Variants in THOC2 observed in about 807,000 individuals in gnomAD.
The protein encoded by THOC2 is THO complex subunit 2, also known as THO complex 2.
In THOC2, 10 loss-of-function variants were observed where a neutral mutation model predicts 128.4. The observed-to-expected ratio is 0.08, with a 90% CI of 0.05 to 0.13. The LOEUF (loss-of-function observed/expected upper bound fraction) is 0.13, where lower values mean the gene tolerates loss of function less well. THOC2 is among the 10% of genes least tolerant of loss of function. The pLI, the probability that THOC2 is intolerant of heterozygous loss-of-function variation, is 1.00. For synonymous variants in THOC2, 393 were observed against 396.9 expected (o/e 0.99, Z 0.12); for missense variants, 535 against 1,155.7 (o/e 0.46, Z 7.79).
At chrX:123,662,444 C>T (rs1445265854) in intron 12 of THOC2, among the ~76,000 whole-genome samples, 1 of 108,876 alleles carries the variant, frequency 9.2e-6, no homozygotes, top group African/African-American at 3.3e-5. Context: ...AAAAATTAGC[C>T]GGGCGTGGTG....
intron 20 of THOC2, 67 bp from the exon 21 acceptor site, chrX:123,633,107 C>T (rs2047546872): frequency 1.2e-6 from 1 of 847,381 alleles, no homozygotes; most frequent in East Asian, 3.3e-5. Context: ...GAAAAAGACA[C>T]AGAAAAAAGT....
rs180999450 is a variant in THOC2, at chrX:123,607,035, G to A, written c.*18+3883C>T. On this transcript the variant is annotated intron_variant, in intron 38 of 38. Transcript: ENST00000245838. ...AAGCCAAAGGGTGGTGGTTCTCAGA[G>A]GACAATTTTATAAGCAGGAATTAAA... Among the ~76,000 whole-genome samples, 201 of 108,405 alleles carry A rather than the reference G, an allele frequency of 1.9e-3. 1 individual carries two copies. The highest frequency in any genetic ancestry group is 6.6e-3 in the African/African-American group (194 of 29,513). 94.1% of individuals were successfully genotyped at this position (108,405 alleles called of 115,157 possible).
intron 12 of THOC2, among the ~76,000 whole-genome samples, chrX:123,647,797 C>T (rs1446173876): frequency 2.1e-5 from 2 of 93,398 alleles, no homozygotes; most frequent in Non-Finnish European, 4.1e-5. Context: ...GCCTAGATCA[C>T]GCCACTGCAC....
chrX:123,713,476 C>CAA (rs1245124629), intron 1 of THOC2, among the ~76,000 whole-genome samples: 11 of 38,371 alleles, frequency 2.9e-4, no homozygotes, highest in African/African-American at 9.4e-4. Context: ...TCTGTCTCTA[C>CAA]AAAAAAAAAA....
chrX:123,652,197 T>C (rs1029803331), intron 12 of THOC2, among the ~76,000 whole-genome samples: 5 of 111,841 alleles, frequency 4.5e-5, no homozygotes, highest in African/African-American at 1.6e-4. Flanking sequence ...ATTATCTCAA[T>C]AGATGCAGAA....
At chrX:123,691,496 T>C (rs1395351696) in intron 7 of THOC2, among the ~76,000 whole-genome samples, 1 of 111,680 alleles carries the variant, frequency 9.0e-6, no homozygotes, top group Non-Finnish European at 1.9e-5. Context: ...GGGTGAAATG[T>C]CCCATAATCT....
At chrX:123,656,740 T>C (rs947017103) in intron 12 of THOC2, among the ~76,000 whole-genome samples, 1 of 108,794 alleles carries the variant, frequency 9.2e-6, no homozygotes, top group African/African-American at 3.4e-5. Flanking sequence ...CCGGGCATGG[T>C]GGCTCACGCC....
At chrX:123,655,315 G>A (rs865898734) in intron 12 of THOC2, among the ~76,000 whole-genome samples, 1 of 111,320 alleles carries the variant, frequency 9.0e-6, no homozygotes, top group Non-Finnish European at 1.9e-5. Flanking sequence ...CAAATAAGTG[G>A]AATGAAGCAG....
chrX:123,668,257 T>C lies in THOC2; in HGVS notation c.919A>G (p.Lys307Glu). The C allele has an allele frequency of 8.3e-7, 1 of 1,203,449 alleles. No individual in the cohort carries two copies. Among genetic ancestry groups the C allele is most frequent in the African/African-American group, 1.7e-5 (1 of 57,673 alleles). Residue 307 changes from lysine (K) to glutamate (E), a missense_variant, in exon 10 of 39, where the codon AAG becomes GAG. Transcript: ENST00000245838. ...DEHKREIAEA[K>E]QIVRKLTMVV... is the part of the protein sequence containing the mutation. ...ATCGTAAGCTTTCTAACAATTTGCT[T>C]AGCTTCCGCAATTTCTCGTTTGTGT...
intron 2 of THOC2, among the ~76,000 whole-genome samples, chrX:123,709,180 G>A (rs2051071429): frequency 8.9e-6 from 1 of 112,659 alleles, no homozygotes; most frequent in Non-Finnish European, 1.9e-5. Context: ...TATATTGCAG[G>A]TGAAAAACTT....
Position 123,624,748 on chromosome X carries a change from G to T in THOC2, c.3058-79C>A, listed in dbSNP as rs1464821411. 144 of 958,989 alleles carry T rather than the reference G, an allele frequency of 1.5e-4. 1 individual carries two copies. Among genetic ancestry groups the T allele is most frequent in the Non-Finnish European group, 2.6e-5 (18 of 691,971 alleles). 79.0% of individuals were successfully genotyped at this position (958,989 alleles called of 1,213,427 possible). ...AAAAATATTAGAAGATTCTCTTACAGCAAGTCATAATAAACAGGTAAGCCT... is the reference window on the plus strand; with the variant it reads ...AAAAATATTAGAAGATTCTCTTACATCAAGTCATAATAAACAGGTAAGCCT... On this transcript the variant is annotated intron_variant, in intron 25 of 38. Coordinates refer to ENST00000245838, the MANE Select transcript of THOC2 (RefSeq NM_001081550.2).
chrX:123,673,113 C>T (rs1440863461), intron 8 of THOC2, among the ~76,000 whole-genome samples: 1 of 111,922 alleles, frequency 8.9e-6, no homozygotes, highest in African/African-American at 3.3e-5. Flanking sequence ...CCAAGGTGGT[C>T]AGATCACCTG....
At chrX:123,631,957 G>C in intron 21 of THOC2, 105 bp from the exon 22 acceptor site, 1 of 731,347 alleles carries the variant, frequency 1.4e-6, no homozygotes, top group South Asian at 2.8e-5. Flanking sequence ...TAACTTAAAA[G>C]GACTTTAGAG....
At chrX:123,611,716 T>G (rs1297143113) in intron 36 of THOC2, among the ~76,000 whole-genome samples, 200 bp from the exon 37 acceptor site, 2 of 104,774 alleles carry the variant, frequency 1.9e-5, no homozygotes, top group Non-Finnish European at 3.9e-5. Context: ...CAAAGAACAC[T>G]ATCAAGAAAG....
chrX:123,612,953 A>T (rs759690942), intron 36 of THOC2, among the ~76,000 whole-genome samples: 1 of 112,167 alleles, frequency 8.9e-6, no homozygotes, highest in African/African-American at 3.2e-5. Context: ...AATCAAATAC[A>T]AGTATCAAAC....
intron 7 of THOC2, among the ~76,000 whole-genome samples, chrX:123,694,564 C>T (rs1452020414): frequency 2.9e-5 from 3 of 105,251 alleles, no homozygotes; most frequent in African/African-American, 1.1e-4. Context: ...GCTGGGATTG[C>T]GCCACTGCAC....
rs192329269 is a variant in THOC2 at position 123,710,173 on chromosome X, A to G, written c.130+2677T>C. On this transcript the variant is annotated intron_variant, in intron 2 of 38. Transcript: ENST00000245838. ...TGTTGACAGAGATCAGCCAAGGAGTATATGTGTTAAGGAAGCAGGCAAGGG... is the reference window on the plus strand; with the variant it reads ...TGTTGACAGAGATCAGCCAAGGAGTGTATGTGTTAAGGAAGCAGGCAAGGG... Among the ~76,000 whole-genome samples the G allele has an allele frequency of 1.2e-4, 14 of 112,174 alleles. No homozygotes were observed. In the Admixed American group the frequency reaches 1.3e-3, roughly 11 times the overall value.
rs193072043 is a variant in THOC2, at chrX:123,715,155, C to G, written c.72-2247G>C. ...CCTCAGCCTCAGCACCACCACCCCCCCAACATCCCATTAGGTGGGACCACA... is the reference window on the plus strand; with the variant it reads ...CCTCAGCCTCAGCACCACCACCCCCGCAACATCCCATTAGGTGGGACCACA... On this transcript the variant is annotated intron_variant, in intron 1 of 38. Coordinates refer to ENST00000245838, the MANE Select transcript of THOC2 (RefSeq NM_001081550.2). Among the ~76,000 whole-genome samples the G allele has an allele frequency of 8.3e-5, 9 of 107,874 alleles. No individual in the cohort carries two copies. In the East Asian group the frequency reaches 1.8e-3, roughly 21 times the overall value. The allele number at this position is 107,874 out of a possible 115,157, so 93.7% of individuals were successfully genotyped here. A position where few individuals can be genotyped will look rare whatever the true frequency, so the allele number is the denominator to read the frequency against.
chrX:123,618,424 T>G (rs776334867), intron 33 of THOC2, among the ~76,000 whole-genome samples: 1 of 112,205 alleles, frequency 8.9e-6, no homozygotes, highest in South Asian at 3.7e-4. Context: ...ATTAGTGCCT[T>G]ATTTGCCCAA....
Sources: allele counts gnomAD v4.1 joint callset (sites outside exome capture counted in the v4.1 genomes callset), GRCh38; gene constraint gnomAD v4.1.1; transcripts MANE v1.5; gene names NCBI Gene and HGNC (gene_info 2026-07-23, HGNC 2026-07-21).